The following HDAC9 variants were observed in gnomAD, a reference collection of about 807,000 sequenced individuals.
The protein encoded by HDAC9 is histone deacetylase 9, also known as MEF-2 interacting transcription repressor (MITR) protein.
Under a neutral mutation model 139.4 loss-of-function variants are expected in HDAC9, and 41 were observed. The observed-to-expected ratio is 0.29, with a 90% CI of 0.23 to 0.38. The LOEUF is 0.38. HDAC9 is among the 10% of genes least tolerant of loss of function. HDAC9 has a pLI of 1.00. For missense variants in HDAC9, 1,147 were observed against 1,297.0 expected, an observed-to-expected ratio of 0.88 and a Z score of 1.78; for synonymous variants, 517 against 476.2, an observed-to-expected ratio of 1.09 and a Z score of -1.12.
chr7:18,654,379 G>A (rs981154370), intron 11 of HDAC9, among the ~76,000 whole-genome samples: 2 of 152,082 alleles, frequency 1.3e-5, no homozygotes, highest in African/African-American at 4.8e-5. Flanking sequence ...TTAGGGTAGG[G>A]TCATTTAAAA....
At chr7:18,088,934 A>C (rs908269627) in intron 1 of HDAC9, among the ~76,000 whole-genome samples, 3 of 152,228 alleles carry the variant, frequency 2.0e-5, no homozygotes, top group African/African-American at 7.2e-5. Flanking sequence ...GGCACATTTG[A>C]AGAAGAGCAG....
chr7:18,252,044 A>G (rs1462060744), intron 2 of HDAC9, among the ~76,000 whole-genome samples: 1 of 152,222 alleles, frequency 6.6e-6, no homozygotes, highest in Non-Finnish European at 1.5e-5. Context: ...ATAATTTTAA[A>G]TGTCAGTAAG....
At chr7:18,560,829 TAGAG>T (rs1014304588) in intron 2 of HDAC9, among the ~76,000 whole-genome samples, 3 of 152,008 alleles carry the variant, frequency 2.0e-5, no homozygotes, top group African/African-American at 4.8e-5. Flanking sequence ...ATTAGCTTGG[TAGAG>T]AGAGAGAATA....
chr7:18,286,219 A>C (rs1797440815), upstream of HDAC9, among the ~76,000 whole-genome samples: 1 of 151,970 alleles, frequency 6.6e-6, no homozygotes, highest in South Asian at 2.1e-4. Context: ...CAAAATAAGC[A>C]CCGTGCATGA....
At chr7:18,172,398 C>G (rs186291202) in intron 2 of HDAC9, among the ~76,000 whole-genome samples, 1 of 152,022 alleles carries the variant, frequency 6.6e-6, no homozygotes, top group Non-Finnish European at 1.5e-5. Flanking sequence ...TTCAAAAAAC[C>G]AGCTCCTGGA....
At chr7:18,518,888 C>G (rs1477186536) in intron 2 of HDAC9, among the ~76,000 whole-genome samples, 5 of 152,170 alleles carry the variant, frequency 3.3e-5, no homozygotes, top group Non-Finnish European at 5.9e-5. Flanking sequence ...TGTTTATTTT[C>G]TAGATTCTCT....
At chr7:18,533,734 C>G (rs576886055) in intron 2 of HDAC9, among the ~76,000 whole-genome samples, 3 of 151,978 alleles carry the variant, frequency 2.0e-5, no homozygotes, top group Non-Finnish European at 4.4e-5. Flanking sequence ...AATTATTTTC[C>G]TTTCTTTAAT....
intron 1 of HDAC9, among the ~76,000 whole-genome samples, chr7:18,412,852 A>G (rs766315021): frequency 6.6e-5 from 10 of 152,216 alleles, no homozygotes; most frequent in Non-Finnish European, 1.3e-4. Context: ...AAAAATTAAA[A>G]CAATAGTGTA....
chr7:18,159,909 T>C (rs1787506582), intron 1 of HDAC9, among the ~76,000 whole-genome samples: 1 of 152,166 alleles, frequency 6.6e-6, no homozygotes, highest in Non-Finnish European at 1.5e-5. Flanking sequence ...AGACTTGATA[T>C]TTGTAAGTCA....
chr7:18,522,596 AAAAAAAC>A (rs576117125), intron 2 of HDAC9, among the ~76,000 whole-genome samples: 66 of 151,904 alleles, frequency 4.3e-4, no homozygotes, highest in African/African-American at 1.1e-3. Flanking sequence ...GGTTTTTTTA[AAAAAAAC>A]AAAAAACAAA....
intron 1 of HDAC9, among the ~76,000 whole-genome samples, chr7:18,382,812 G>A (rs1785556292): frequency 6.6e-6 from 1 of 152,066 alleles, no homozygotes; most frequent in Admixed American, 6.6e-5. Context: ...ATTCATGATA[G>A]CAACAAAAAA....
chr7:18,647,905 T>A lies in HDAC9; in HGVS notation c.1156T>A (p.Leu386Ile), dbSNP rs763434658. ...ATCTTCCAGCCACCCTCATGTTACTTTAGAGGGAAAGCCACCCAACAGCAG... is the reference window on the plus strand; with the variant it reads ...ATCTTCCAGCCACCCTCATGTTACTATAGAGGGAAAGCCACCCAACAGCAG... The part of the protein sequence containing the change: ...PASSSHPHVT[L>I]EGKPPNSSHQ... The change falls in exon 10 of 26, where the codon TTA becomes ATA. Residue 386 changes from leucine to isoleucine, a missense_variant. Coordinates refer to ENST00000686413, the MANE Select transcript of HDAC9 (RefSeq NM_178425.4). The A allele has an allele frequency of 6.2e-7, 1 of 1,612,826 alleles. No homozygotes were observed. Among genetic ancestry groups the A allele is most frequent in the Non-Finnish European group, 8.5e-7 (1 of 1,179,492 alleles).
chr7:18,571,968 CT>C (rs756527482), intron 2 of HDAC9, among the ~76,000 whole-genome samples: 276 of 142,294 alleles, frequency 1.9e-3, no homozygotes, highest in Middle Eastern at 0.011. Flanking sequence ...ACCAATGAAA[CT>C]TTTTTTTTTT....
At chr7:18,680,833 G>C (rs904007926) in intron 12 of HDAC9, among the ~76,000 whole-genome samples, 1 of 151,976 alleles carries the variant, frequency 6.6e-6, no homozygotes, top group Non-Finnish European at 1.5e-5. Flanking sequence ...TTGTTTGGTT[G>C]CTTGGGATGC....
chr7:18,152,567 G>C (rs866304731), intron 1 of HDAC9, among the ~76,000 whole-genome samples: 14 of 152,184 alleles, frequency 9.2e-5, no homozygotes, highest in African/African-American at 3.1e-4. Context: ...GAAGGTCTCA[G>C]ATAAGTCCTG....
intron 12 of HDAC9, among the ~76,000 whole-genome samples, chr7:18,718,644 T>C (rs114293846): frequency 6.6e-6 from 1 of 152,214 alleles, no homozygotes; most frequent in Non-Finnish European, 1.5e-5. Flanking sequence ...ATTTTATGGA[T>C]AAAGCGTAAT....
At chr7:18,513,359 G>A (rs1440973461) in intron 2 of HDAC9, among the ~76,000 whole-genome samples, 2 of 152,276 alleles carry the variant, frequency 1.3e-5, no homozygotes. Flanking sequence ...CTATGAGTAC[G>A]ATAGAGTGAA....
chr7:18,703,781 G>T (rs1055195091), intron 12 of HDAC9, among the ~76,000 whole-genome samples: 3 of 150,972 alleles, frequency 2.0e-5, no homozygotes, highest in African/African-American at 7.3e-5. Flanking sequence ...GTCCCCCAGG[G>T]CCCTGGGCAG....
chr7:18,299,450 G>A (rs1011624993), intron 1 of HDAC9, among the ~76,000 whole-genome samples: 1 of 152,048 alleles, frequency 6.6e-6, no homozygotes, highest in South Asian at 2.1e-4. Context: ...AATTTAGTCT[G>A]TGTTTAATGA....
Sources: allele counts gnomAD v4.1 joint callset (sites outside exome capture counted in the v4.1 genomes callset), GRCh38; gene constraint gnomAD v4.1.1; transcripts MANE v1.5; gene names NCBI Gene and HGNC (gene_info 2026-07-23, HGNC 2026-07-21).